The following ABL2 variants were observed in gnomAD, a reference collection of about 807,000 sequenced individuals.
ABL2 encodes ABL proto-oncogene 2, non-receptor tyrosine kinase.
Under a neutral mutation model 107.7 loss-of-function variants are expected in ABL2, and 49 were observed. The ratio of observed to expected loss-of-function variants is 0.45; its 90% CI spans 0.36 to 0.58. ABL2 has a LOEUF of 0.58. Ranked by LOEUF, ABL2 falls within the 20% of genes least tolerant of loss-of-function variation. The probability of loss-of-function intolerance (pLI) is 0.00; values close to 1 mark genes in which losing one functional copy is unlikely to be tolerated. For synonymous variants in ABL2, 549 were observed against 548.6 expected (o/e 1.00, Z -0.01); for missense variants, 1,245 against 1,457.0 (o/e 0.85, Z 2.37).
At chr1:179,209,035 A>G (rs28991592) in intron 1 of ABL2, among the ~76,000 whole-genome samples, 1,742 of 152,300 alleles carry the variant, frequency 0.011, 31 homozygotes, top group African/African-American at 0.039. Context: ...TCTGTGCTCT[A>G]AGACTGGGTT....
intron 1 of ABL2, among the ~76,000 whole-genome samples, chr1:179,177,015 T>G (rs1342782543): frequency 1.3e-5 from 2 of 152,114 alleles, no homozygotes; most frequent in African/African-American, 2.4e-5. Context: ...TACATTTTCT[T>G]ATCCTAAGAA....
At chr1:179,212,503 C>G (rs1173877817) in intron 1 of ABL2, among the ~76,000 whole-genome samples, 1 of 152,142 alleles carries the variant, frequency 6.6e-6, no homozygotes, top group Admixed American at 6.5e-5. Context: ...GAGGCCAAGG[C>G]AGGTGGATCA....
intron 6 of ABL2, 82 bp from the exon 7 acceptor site, chr1:179,118,846 A>G (rs1654905950): frequency 6.9e-7 from 1 of 1,448,114 alleles, no homozygotes; most frequent in Non-Finnish European, 9.5e-7. Flanking sequence ...TAATTTGACA[A>G]TTTTTCAGGT....
intron 1 of ABL2, among the ~76,000 whole-genome samples, chr1:179,200,694 T>C (rs547646372): frequency 7.2e-5 from 11 of 152,206 alleles, no homozygotes; most frequent in Non-Finnish European, 1.5e-4. Flanking sequence ...TTGGAAATCT[T>C]CAAGAACACC....
intron 1 of ABL2, chr1:179,143,003 G>T: frequency 3.7e-6 from 6 of 1,614,168 alleles, no homozygotes; most frequent in Non-Finnish European, 5.1e-6. Context: ...CCTGATCTCT[G>T]CCATAACTAT....
chr1:179,107,794 C>T lies in ABL2; in HGVS notation c.3473G>A (p.Gly1158Asp). ...QELQVSSAAA[G>D]VPGTNPVLNN... ...AAGGACAGGGTTTGTCCCGGGCACA[C>T]CAGCAGCTGCTGAAGAAACCTGTAG... Residue 1158 changes from glycine to aspartate, a missense_variant, in exon 12 of 12, where the codon GGT becomes GAT. Gly to Asp is a moderately conservative substitution (Grantham distance 94). This residue lies in a region of ABL2 where 761 missense variants were observed against 766.4 expected (regional missense o/e 0.99). Coordinates refer to ENST00000502732, the MANE Select transcript of ABL2 (RefSeq NM_007314.4). 1.2e-6 allele frequency: 2 copies of T among 1,614,220 alleles called. No homozygotes were observed. The highest frequency in any genetic ancestry group is 1.7e-6 in the Non-Finnish European group (2 of 1,180,044).
At chr1:179,188,833 C>T (rs1660834610) in intron 1 of ABL2, among the ~76,000 whole-genome samples, 1 of 152,048 alleles carries the variant, frequency 6.6e-6, no homozygotes, top group African/African-American at 2.4e-5. Context: ...TCATACACAC[C>T]AAAGAAGTCC....
chr1:179,181,237 C>G (rs192887636), intron 1 of ABL2, among the ~76,000 whole-genome samples: 97 of 152,306 alleles, frequency 6.4e-4, no homozygotes, highest in Non-Finnish European at 8.2e-4. Flanking sequence ...AAAATAGTGG[C>G]AGTAAACCCC....
intron 1 of ABL2, among the ~76,000 whole-genome samples, chr1:179,206,536 G>A (rs1401244527): frequency 6.7e-6 from 1 of 149,174 alleles, no homozygotes; most frequent in African/African-American, 2.5e-5. Flanking sequence ...TTTATTTACT[G>A]ACATGAAAGA....
At chr1:179,194,832 G>A (rs973927151) in intron 1 of ABL2, among the ~76,000 whole-genome samples, 2 of 152,156 alleles carry the variant, frequency 1.3e-5, no homozygotes, top group South Asian at 4.1e-4. Context: ...GAAGAAAATG[G>A]CACTATAAAA....
intron 1 of ABL2, among the ~76,000 whole-genome samples, chr1:179,228,975 C>T (rs940471491): frequency 6.6e-6 from 1 of 152,164 alleles, no homozygotes; most frequent in Non-Finnish European, 1.5e-5. Context: ...AGTCCCGTCC[C>T]AGAGTAGAGG....
intron 1 of ABL2, among the ~76,000 whole-genome samples, chr1:179,197,486 T>C (rs1319687371): frequency 6.7e-6 from 1 of 149,024 alleles, no homozygotes; most frequent in Non-Finnish European, 1.5e-5. Flanking sequence ...AATTCACCAA[T>C]ACATTATAGT....
At chr1:179,150,720 T>C (rs1298718388) in intron 1 of ABL2, among the ~76,000 whole-genome samples, 3 of 152,262 alleles carry the variant, frequency 2.0e-5, no homozygotes, top group African/African-American at 7.2e-5. Flanking sequence ...GGATTGACTC[T>C]AATTTTCAAA....
rs532631949 is a variant in ABL2, at chr1:179,225,736, G to A, written c.157+3505C>T. Among the ~76,000 whole-genome samples the A allele has an allele frequency of 6.6e-5, 10 of 152,132 alleles. No individual in the cohort carries two copies. The South Asian group carries it at 1.2e-3, about 19-fold the overall frequency. On this transcript the variant is annotated intron_variant, in intron 1 of 11. Transcript: ENST00000502732. Reference sequence around the variant, plus strand: ...TTAGCCAGCCCAAAATATCAATGCCGCCGAGGTTAAGAAACTATGACGTGG... The same window carrying A: ...TTAGCCAGCCCAAAATATCAATGCCACCGAGGTTAAGAAACTATGACGTGG...
chr1:179,180,599 T>C (rs764679037), intron 1 of ABL2, among the ~76,000 whole-genome samples: 32 of 151,532 alleles, frequency 2.1e-4, no homozygotes, highest in Non-Finnish European at 4.3e-4. Flanking sequence ...AGAAAGAGAG[T>C]TCCCGTGGCC....
At chr1:179,115,888 C>T (rs910048846) in intron 8 of ABL2, among the ~76,000 whole-genome samples, 9 of 152,154 alleles carry the variant, frequency 5.9e-5, no homozygotes, top group African/African-American at 2.2e-4. Context: ...ACTTAGAATC[C>T]TATGACTATT....
chr1:179,152,897 C>T (rs1001235321), intron 1 of ABL2, among the ~76,000 whole-genome samples: 7 of 152,062 alleles, frequency 4.6e-5, no homozygotes, highest in Non-Finnish European at 5.9e-5. Context: ...TAAAGGATAT[C>T]GGAAAGGAAA....
chr1:179,227,313 A>G (rs1663271952), intron 1 of ABL2, among the ~76,000 whole-genome samples: 1 of 152,138 alleles, frequency 6.6e-6, no homozygotes, highest in Non-Finnish European at 1.5e-5. Flanking sequence ...GACTCTTCCA[A>G]TTTTTGCTCT....
At chr1:179,119,418 C>T (rs931769923) in intron 6 of ABL2, among the ~76,000 whole-genome samples, 1 of 151,628 alleles carries the variant, frequency 6.6e-6, no homozygotes, top group Non-Finnish European at 1.5e-5. Context: ...CGTTGAGGCA[C>T]GAGAATAGCT....
Sources: allele counts gnomAD v4.1 joint callset (sites outside exome capture counted in the v4.1 genomes callset), GRCh38; gene constraint gnomAD v4.1.1; regional missense constraint gnomAD v4.1.1; transcripts MANE v1.5; gene names NCBI Gene and HGNC (gene_info 2026-07-23, HGNC 2026-07-21).